XKR9: variants seen among roughly 807,000 people sequenced by gnomAD.
XKR9 encodes the protein XK related 9, also known as XK-related protein 9.
Under a neutral mutation model 32.0 loss-of-function variants are expected in XKR9, and 32 were observed. The observed-to-expected ratio is 1.00, with a 90% CI of 0.76 to 1.34. XKR9 has a LOEUF of 1.34. Ranked by LOEUF, XKR9 falls within the 40% of genes most tolerant of loss-of-function variation. XKR9 has a pLI of 0.00. For missense variants in XKR9, 546 were observed against 429.7 expected, an observed-to-expected ratio of 1.27 and a Z score of -2.39; for synonymous variants, 168 against 143.4, an observed-to-expected ratio of 1.17 and a Z score of -1.22.
chr8:70,782,617 CTT>C (rs1807632235), intron 2 of XKR9, among the ~76,000 whole-genome samples: 1 of 151,950 alleles, frequency 6.6e-6, no homozygotes, highest in African/African-American at 2.4e-5. Flanking sequence ...CCATTCTACT[CTT>C]TGCTTCTATA....
At chr8:70,701,378 G>A (rs1805529259) in intron 3 of XKR9, among the ~76,000 whole-genome samples, 1 of 152,278 alleles carries the variant, frequency 6.6e-6, no homozygotes, top group African/African-American at 2.4e-5. Flanking sequence ...CTGTAGGTCA[G>A]GTTGTTTCCT....
chr8:70,685,588 C>G (rs968907419), intron 3 of XKR9, among the ~76,000 whole-genome samples: 18 of 150,944 alleles, frequency 1.2e-4, no homozygotes, highest in African/African-American at 4.4e-4. Context: ...TTTGCAGGAA[C>G]ATGGATGAAA....
At chr8:70,676,135 G>A (rs752380255) in intron 2 of XKR9, among the ~76,000 whole-genome samples, 3 of 152,204 alleles carry the variant, frequency 2.0e-5, no homozygotes, top group Non-Finnish European at 4.4e-5. Context: ...ATGGCAGAAG[G>A]TGAAGAGGAA....
the XKR9 span, among the ~76,000 whole-genome samples, chr8:70,853,534 A>C: frequency 6.6e-6 from 1 of 152,036 alleles, no homozygotes; most frequent in Admixed American, 6.6e-5. Flanking sequence ...ATGAACAAAA[A>C]AAAGACATTC....
the XKR9 span, among the ~76,000 whole-genome samples, chr8:71,000,385 C>T: frequency 6.6e-6 from 1 of 152,232 alleles, no homozygotes; most frequent in East Asian, 1.9e-4. Flanking sequence ...AAATAGGAGC[C>T]ACACACTGAG....
At chr8:70,858,406 C>T in the XKR9 span, among the ~76,000 whole-genome samples, 1 of 152,050 alleles carries the variant, frequency 6.6e-6, no homozygotes, top group Non-Finnish European at 1.5e-5. Context: ...ATCCAACTTA[C>T]AAGAGGTGTG....
chr8:70,726,795 T>C (rs1374936247), intron 4 of XKR9, among the ~76,000 whole-genome samples: 1 of 152,188 alleles, frequency 6.6e-6, no homozygotes, highest in Non-Finnish European at 1.5e-5. Flanking sequence ...GTGAGTATTT[T>C]GAGAAAGTTA....
At chr8:70,803,597 G>T in the XKR9 span, among the ~76,000 whole-genome samples, 2 of 152,120 alleles carry the variant, frequency 1.3e-5, no homozygotes, top group Admixed American at 1.3e-4. Context: ...CTGTCCTTTG[G>T]ATGAGTTTTT....
At chr8:70,775,554 TG>T (rs1458460078) in intron 2 of XKR9, among the ~76,000 whole-genome samples, 1 of 152,180 alleles carries the variant, frequency 6.6e-6, no homozygotes, top group Admixed American at 6.6e-5. Flanking sequence ...CTGCATTTAT[TG>T]AGATGCTCTG....
At chr8:70,902,428 G>A in the XKR9 span, among the ~76,000 whole-genome samples, 1 of 152,118 alleles carries the variant, frequency 6.6e-6, no homozygotes. Context: ...GTGAATGGGA[G>A]TTCACTCATG....
chr8:70,741,432 T>A (rs183037380), intron 2 of XKR9, among the ~76,000 whole-genome samples: 185 of 152,344 alleles, frequency 1.2e-3, no homozygotes, highest in Non-Finnish European at 2.1e-3. Flanking sequence ...CTTTATAAAT[T>A]ACCCAGTCCC....
the XKR9 span, among the ~76,000 whole-genome samples, chr8:70,975,866 A>C: frequency 6.6e-6 from 1 of 152,124 alleles, no homozygotes. Flanking sequence ...GATTCTTCCT[A>C]TCCATGAGCA....
the XKR9 span, among the ~76,000 whole-genome samples, chr8:70,919,816 A>G: frequency 6.6e-6 from 1 of 152,206 alleles, no homozygotes; most frequent in East Asian, 1.9e-4. Context: ...CACGCAGGAA[A>G]GGGGCACCAG....
chr8:70,746,903 C>T (rs902056288), intron 2 of XKR9, among the ~76,000 whole-genome samples: 1 of 152,050 alleles, frequency 6.6e-6, no homozygotes, highest in African/African-American at 2.4e-5. Flanking sequence ...AAATTTTCAA[C>T]CCTTGCCCTC....
intron 2 of XKR9, among the ~76,000 whole-genome samples, chr8:70,788,535 A>G (rs1362746769): frequency 1.3e-5 from 2 of 152,118 alleles, no homozygotes; most frequent in African/African-American, 2.4e-5. Flanking sequence ...GCAGATGTTC[A>G]TAAATTAAAT....
At chr8:71,016,140 A>G in the XKR9 span, among the ~76,000 whole-genome samples, 1 of 152,148 alleles carries the variant, frequency 6.6e-6, no homozygotes, top group Non-Finnish European at 1.5e-5. Flanking sequence ...GAAAAAATAT[A>G]ATAGCAATTT....
the XKR9 span, among the ~76,000 whole-genome samples, chr8:70,814,910 AG>A: frequency 6.6e-6 from 1 of 152,244 alleles, no homozygotes; most frequent in East Asian, 1.9e-4. Flanking sequence ...TGTATATAAA[AG>A]CAGTGTTCCA....
At chr8:70,750,953 G>A (rs935283487) in intron 2 of XKR9, among the ~76,000 whole-genome samples, 1 of 152,182 alleles carries the variant, frequency 6.6e-6, no homozygotes, top group African/African-American at 2.4e-5. Context: ...ATTGCTCTCC[G>A]TAGTGTGGTT....
At chr8:70,891,607 CTT>C in the XKR9 span, among the ~76,000 whole-genome samples, 1 of 151,844 alleles carries the variant, frequency 6.6e-6, no homozygotes, top group Non-Finnish European at 1.5e-5. Flanking sequence ...TGAAAGTTCT[CTT>C]GTTATTATTT....
Sources: allele counts gnomAD v4.1 joint callset (sites outside exome capture counted in the v4.1 genomes callset), GRCh38; gene constraint gnomAD v4.1.1; transcripts MANE v1.5; gene names NCBI Gene and HGNC (gene_info 2026-07-23, HGNC 2026-07-21).